The following ZNF724 variants were observed in gnomAD, a reference collection of about 807,000 sequenced individuals.
ZNF724 encodes the protein zinc finger protein 724.
ZNF724 carries 14 observed loss-of-function variants against 29.3 expected under a neutral mutation model. The observed-to-expected ratio is 0.48, with a 90% CI of 0.32 to 0.75. The LOEUF (loss-of-function observed/expected upper bound fraction) is 0.75, where lower values mean the gene tolerates loss of function less well. Ranked by LOEUF, ZNF724 falls within the 30% of genes least tolerant of loss-of-function variation. The pLI is 0.04. For synonymous variants in ZNF724, 180 were observed against 193.6 expected, an observed-to-expected ratio of 0.93 and a Z score of 0.58; for missense variants, 557 against 571.2, an observed-to-expected ratio of 0.98 and a Z score of 0.25.
chr19:23,228,825 C>T (rs903154591), intron 3 of ZNF724, among the ~76,000 whole-genome samples: 8 of 147,504 alleles, frequency 5.4e-5, no homozygotes, highest in African/African-American at 2.0e-4. Flanking sequence ...GGGAGGAGGA[C>T]GTTGCAGTGA....
Position 23,249,241 on chromosome 19 carries a change from C to CTTT in ZNF724, c.3+996_3+998dup, listed in dbSNP as rs35301912. Among the ~76,000 whole-genome samples, 97 of 133,788 alleles carry CTTT rather than the reference C, an allele frequency of 7.3e-4. 1 individual carries two copies. The highest frequency in any genetic ancestry group is 9.2e-4 in the Non-Finnish European group (59 of 64,130). The allele number at this position is 133,788 out of a possible 152,430, so 87.8% of individuals were successfully genotyped here. On this transcript the variant is annotated intron_variant, in intron 1 of 3. Coordinates refer to ENST00000418100, the MANE Select transcript of ZNF724 (RefSeq NM_001355404.2). ...TATTTAATATTTTTGCAGAGACTGC[C>CTTT]TTTTTTTTTTTTTTTTCTAGACAGA... is the stretch of plus-strand genomic sequence containing the variant.
intron 1 of ZNF724, among the ~76,000 whole-genome samples, chr19:23,237,717 TAAA>T (rs56110527): frequency 4.2e-4 from 56 of 132,582 alleles, no homozygotes; most frequent in Middle Eastern, 4.0e-3. Context: ...GAACCCGTCT[TAAA>T]AAAAAAAAAA....
At chr19:23,227,615 A>G (rs1971861316) in intron 3 of ZNF724, among the ~76,000 whole-genome samples, 2 of 151,574 alleles carry the variant, frequency 1.3e-5, no homozygotes, top group Non-Finnish European at 2.9e-5. Flanking sequence ...AAAAAGAAAT[A>G]AATATATTTT....
intron 1 of ZNF724, among the ~76,000 whole-genome samples, chr19:23,232,770 C>T (rs1376095559): frequency 6.6e-6 from 1 of 150,732 alleles, no homozygotes; most frequent in African/African-American, 2.4e-5. Context: ...GATTTTGCCC[C>T]AAAGAAAAAT....
chr19:23,237,716 T>A (rs1328759057), intron 1 of ZNF724, among the ~76,000 whole-genome samples: 1 of 28,022 alleles, frequency 3.6e-5, no homozygotes, highest in African/African-American at 9.3e-5. Context: ...AGAACCCGTC[T>A]TAAAAAAAAA....
intron 1 of ZNF724, among the ~76,000 whole-genome samples, chr19:23,241,949 T>C (rs572361497): frequency 6.6e-6 from 1 of 152,206 alleles, no homozygotes; most frequent in East Asian, 1.9e-4. Flanking sequence ...AAACTATCCC[T>C]GTTTTCAGAT....
intron 1 of ZNF724, among the ~76,000 whole-genome samples, chr19:23,232,683 CTTT>C (rs34773810): frequency 7.6e-5 from 11 of 144,708 alleles, no homozygotes; most frequent in Admixed American, 6.9e-5. Flanking sequence ...TCTTGTTATG[CTTT>C]TTTTTTTTTT....
Position 23,223,292 on chromosome 19 carries a change from G to T in ZNF724, c.953C>A (p.Ala318Asp). Residue 318 changes from alanine to aspartate, a missense_variant, in exon 4 of 4, where the codon GCT becomes GAT. Coordinates refer to ENST00000418100, the MANE Select transcript of ZNF724 (RefSeq NM_001355404.2). ...KPYICEHCGR[A>D]FNQSSNLTKH... ...AGTAAGGTTCGAGGATTGGTTAAAA[G>T]CTCTGCCACAATGTTCACATATGTA... 1 of 788,580 alleles carries T rather than the reference G, an allele frequency of 1.3e-6. No homozygotes were observed. Among genetic ancestry groups the T allele is most frequent in the Non-Finnish European group, 2.3e-6 (1 of 434,230 alleles). 48.8% of individuals were successfully genotyped at this position (788,580 alleles called of 1,614,324 possible). A position where few individuals can be genotyped will look rare whatever the true frequency, so the allele number is the denominator to read the frequency against.
intron 1 of ZNF724, among the ~76,000 whole-genome samples, chr19:23,243,039 C>CAAAAAAAAAAAA (rs762188669): frequency 8.9e-6 from 1 of 112,230 alleles, no homozygotes; most frequent in Non-Finnish European, 1.7e-5. Context: ...AACTCCATCT[C>CAAAAAAAAAAAA]AAAAAAAAAA....
chr19:23,231,236 G>A (rs1338597890), intron 3 of ZNF724, 30 bp downstream of exon 3: 4 of 1,261,386 alleles, frequency 3.2e-6, no homozygotes, highest in South Asian at 1.3e-5. Flanking sequence ...CCTCTCATCT[G>A]TGTCATCTGT....
intron 3 of ZNF724, among the ~76,000 whole-genome samples, chr19:23,225,179 G>T (rs971248753): frequency 3.9e-5 from 6 of 152,132 alleles, no homozygotes; most frequent in Non-Finnish European, 8.8e-5. Context: ...ACCTAGAAGA[G>T]ATATGTAAAC....
chr19:23,247,417 A>G (rs746391793), intron 1 of ZNF724, among the ~76,000 whole-genome samples: 10 of 152,334 alleles, frequency 6.6e-5, no homozygotes, highest in Non-Finnish European at 1.2e-4. Flanking sequence ...AAGAGTCAAT[A>G]TAAGTGAACA....
intron 1 of ZNF724, among the ~76,000 whole-genome samples, chr19:23,248,957 G>C (rs964876121): frequency 1.3e-5 from 2 of 152,152 alleles, no homozygotes; most frequent in African/African-American, 4.8e-5. Context: ...CTGCACTCCA[G>C]CTTGGGCGTC....
chr19:23,224,864 A>G (rs1971797333), intron 3 of ZNF724, among the ~76,000 whole-genome samples: 1 of 152,102 alleles, frequency 6.6e-6, no homozygotes, highest in South Asian at 2.1e-4. Flanking sequence ...CTAAGGCAGG[A>G]GAATCGCTTG....
Position 23,246,205 on chromosome 19 carries a change from A to G in ZNF724, c.3+4035T>C, listed in dbSNP as rs550799717. Among the ~76,000 whole-genome samples the G allele has an allele frequency of 7.9e-5, 12 of 152,360 alleles. No homozygotes were observed. In the East Asian group the frequency reaches 2.3e-3, roughly 29 times the overall value. ...ACACAGTGCTCATATAAAAGAAAAA[A>G]AATTTAAGGTGCTTAAGTTTTATAC... On this transcript the variant is annotated intron_variant, in intron 1 of 3. Transcript: ENST00000418100.
chr19:23,239,752 A>T (rs1171213573), intron 1 of ZNF724, among the ~76,000 whole-genome samples: 2 of 152,168 alleles, frequency 1.3e-5, no homozygotes, highest in Non-Finnish European at 1.5e-5. Context: ...CAGAGGTTGC[A>T]GCGAGCCAAG....
At position 23,222,862 on chromosome 19, in the gene ZNF724, C is replaced by G; in HGVS notation, c.1383G>C (p.Arg461=). ...KCKECGKAFK[R]SSNLTEHRII... ...TCCTATGTTCAGTAAGGTTTGAGGACCGCTTAAAAGCTTTGCCACATTCTT... is the reference window on the plus strand; with the variant it reads ...TCCTATGTTCAGTAAGGTTTGAGGAGCGCTTAAAAGCTTTGCCACATTCTT... The change falls in exon 4 of 4, where the codon CGG becomes CGC. Residue 461 remains arginine (R), a synonymous_variant. Transcript: ENST00000418100. 7.3e-7 allele frequency: 1 copy of G among 1,378,336 alleles called. No homozygotes were observed. Among genetic ancestry groups the G allele is most frequent in the Non-Finnish European group, 1.0e-6 (1 of 983,464 alleles). The allele number at this position is 1,378,336 out of a possible 1,614,324, so 85.4% of individuals were successfully genotyped here. A position where few individuals can be genotyped will look rare whatever the true frequency, so the allele number is the denominator to read the frequency against.
chr19:23,234,641 G>A (rs1052687758), intron 1 of ZNF724, among the ~76,000 whole-genome samples: 1 of 151,878 alleles, frequency 6.6e-6, no homozygotes, highest in African/African-American at 2.4e-5. Context: ...TAGTAGAGAC[G>A]GGATTTTACC....
At chr19:23,228,552 C>T (rs987962321) in intron 3 of ZNF724, among the ~76,000 whole-genome samples, 2 of 151,466 alleles carry the variant, frequency 1.3e-5, no homozygotes, top group Admixed American at 6.6e-5. Context: ...TCAAGGAATT[C>T]GAGACCAGCC....
Sources: allele counts gnomAD v4.1 joint callset (sites outside exome capture counted in the v4.1 genomes callset), GRCh38; gene constraint gnomAD v4.1.1; transcripts MANE v1.5; gene names NCBI Gene and HGNC (gene_info 2026-07-23, HGNC 2026-07-21).